Variants in UVRAG observed in about 807,000 individuals in gnomAD.
UVRAG encodes the protein UV radiation resistance associated.
Under a neutral mutation model 78.0 loss-of-function variants are expected in UVRAG, and 19 were observed. That is an observed-to-expected ratio of 0.24 (90% CI 0.17 to 0.36). UVRAG has a LOEUF of 0.36. UVRAG is among the 10% of genes least tolerant of loss of function. The pLI, the probability that UVRAG is intolerant of heterozygous loss-of-function variation, is 1.00. For missense variants in UVRAG, 740 were observed against 853.8 expected, an observed-to-expected ratio of 0.87 and a Z score of 1.66; for synonymous variants, 323 against 324.6, an observed-to-expected ratio of 1.00 and a Z score of 0.05.
In UVRAG at chr11:76,141,090, C is replaced by T. The variant is rs759030935; in HGVS notation, c.1777C>T (p.Arg593Trp). 1.1e-5 allele frequency: 18 copies of T among 1,614,156 alleles called. No homozygotes were observed. Among genetic ancestry groups the T allele is most frequent in the South Asian group, 5.5e-5 (5 of 91,076 alleles). Reference protein sequence around the residue: ...QEQGEALSGHRATVNGTLLPS... With the variant: ...QEQGEALSGHWATVNGTLLPS... ...ACAAGGAGAAGCCCTCTCCGGGCAC[C>T]GGGCCACAGTCAATGGCACTCTCCT... Residue 593 changes from arginine to tryptophan, a missense_variant, in exon 15 of 15, where the codon CGG becomes TGG. Physicochemically the swap from Arg to Trp is moderately radical, Grantham distance 101. Transcript: ENST00000356136.
At chr11:76,111,441 C>T (rs1375263347) in intron 13 of UVRAG, among the ~76,000 whole-genome samples, 1 of 152,152 alleles carries the variant, frequency 6.6e-6, no homozygotes, top group Non-Finnish European at 1.5e-5. Context: ...CCAATAACTA[C>T]GTTCCCACAT....
chr11:75,898,715 T>C (rs1037553504), intron 5 of UVRAG, among the ~76,000 whole-genome samples: 4 of 152,208 alleles, frequency 2.6e-5, no homozygotes, highest in African/African-American at 7.2e-5. Flanking sequence ...TGTGATTATA[T>C]ACTGTTAGCG....
chr11:75,953,543 G>A (rs1948742989), intron 6 of UVRAG, among the ~76,000 whole-genome samples: 1 of 152,014 alleles, frequency 6.6e-6, no homozygotes. Flanking sequence ...ATTCTAATTT[G>A]TCATTCTTTG....
intron 13 of UVRAG, among the ~76,000 whole-genome samples, chr11:76,096,327 T>C (rs1951784802): frequency 6.6e-6 from 1 of 152,212 alleles, no homozygotes; most frequent in Non-Finnish European, 1.5e-5. Flanking sequence ...ATGTTAAATA[T>C]AAAATTATTC....
intron 3 of UVRAG, among the ~76,000 whole-genome samples, chr11:75,872,083 A>G (rs1946664541): frequency 6.6e-6 from 1 of 152,258 alleles, no homozygotes; most frequent in Admixed American, 6.5e-5. Flanking sequence ...GCTCTTTTTC[A>G]TCTTCTTTTT....
At chr11:75,966,905 G>A (rs1949034606) in intron 7 of UVRAG, among the ~76,000 whole-genome samples, 1 of 152,130 alleles carries the variant, frequency 6.6e-6, no homozygotes, top group Admixed American at 6.5e-5. Context: ...AGAGACTTAG[G>A]TTGAATTTAA....
At chr11:75,824,528 C>A (rs1326940102) in intron 1 of UVRAG, among the ~76,000 whole-genome samples, 1 of 151,256 alleles carries the variant, frequency 6.6e-6, no homozygotes, top group African/African-American at 2.4e-5. Flanking sequence ...AGAATTGAAA[C>A]TAATAAGTTG....
At chr11:75,852,399 G>T (rs1165698356) in intron 2 of UVRAG, among the ~76,000 whole-genome samples, 1 of 152,016 alleles carries the variant, frequency 6.6e-6, no homozygotes, top group Non-Finnish European at 1.5e-5. Flanking sequence ...GTATATATGG[G>T]ATCTTTTTCA....
chr11:76,007,707 C>T, intron 10 of UVRAG, 86 bp downstream of exon 10: 1 of 1,019,154 alleles, frequency 9.8e-7, no homozygotes, highest in Non-Finnish European at 1.5e-6. Flanking sequence ...AAACTCATTG[C>T]TTTAGGCTTA....
chr11:75,905,165 C>T (rs1590999779), intron 5 of UVRAG, among the ~76,000 whole-genome samples: 1 of 152,264 alleles, frequency 6.6e-6, no homozygotes, highest in South Asian at 2.1e-4. Context: ...CTTAAATCTA[C>T]TTCTCAAGTC....
intron 13 of UVRAG, among the ~76,000 whole-genome samples, chr11:76,078,189 C>T (rs1951435339): frequency 6.6e-6 from 1 of 152,152 alleles, no homozygotes; most frequent in African/African-American, 2.4e-5. Flanking sequence ...TAGGTGTAAG[C>T]TCTTTAAAGA....
At chr11:76,076,340 G>A (rs1278778241) in intron 13 of UVRAG, among the ~76,000 whole-genome samples, 1 of 152,186 alleles carries the variant, frequency 6.6e-6, no homozygotes, top group Non-Finnish European at 1.5e-5. Context: ...TCACGATCAT[G>A]GTAGAAGGCA....
chr11:76,053,103 C>G (rs1027450156), intron 12 of UVRAG, among the ~76,000 whole-genome samples: 2 of 151,620 alleles, frequency 1.3e-5, no homozygotes, highest in African/African-American at 4.8e-5. Context: ...GTCAGGAGTT[C>G]AAGACCAGCC....
Position 75,920,007 on chromosome 11 carries a change from G to GGTTTTTT in UVRAG, c.593+7969_593+7975dup, listed in dbSNP as rs1947940448. Among the ~76,000 whole-genome samples the GGTTTTTT allele has an allele frequency of 2.3e-3, 164 of 72,748 alleles. 3 individuals are homozygous for GGTTTTTT. The highest frequency in any genetic ancestry group is 6.6e-3 in the African/African-American group (145 of 21,820). The allele number at this position is 72,748 out of a possible 152,430, so 47.7% of individuals were successfully genotyped here. ...TCAAAATTTAAAATAAAATAATTTT[G>GGTTTTTT]GTTTTTTTTTTTTTTTTTTTTTTTT... On this transcript the variant is annotated intron_variant, in intron 6 of 14. Transcript: ENST00000356136.
intron 8 of UVRAG, among the ~76,000 whole-genome samples, chr11:75,986,373 G>C (rs1423753879): frequency 6.6e-6 from 1 of 151,570 alleles, no homozygotes; most frequent in Admixed American, 6.6e-5. Context: ...CAATTAATTA[G>C]TTTTTTTTAA....
chr11:76,023,663 G>C (rs953758116), intron 12 of UVRAG, among the ~76,000 whole-genome samples: 6 of 152,114 alleles, frequency 3.9e-5, no homozygotes, highest in African/African-American at 9.7e-5. Context: ...AGGGCAGGCT[G>C]TTGTCTTCAA....
At position 76,127,880 on chromosome 11, in the gene UVRAG, A is replaced by G. The variant is rs1307125445; in HGVS notation, c.1397+11865A>G. Among the ~76,000 whole-genome samples, 3 of 151,526 alleles carry G rather than the reference A, an allele frequency of 2.0e-5. No individual in the cohort carries two copies. The South Asian group carries it at 6.3e-4, about 32-fold the overall frequency. On this transcript the variant is annotated intron_variant, in intron 14 of 14. Coordinates refer to ENST00000356136, the MANE Select transcript of UVRAG (RefSeq NM_003369.4). ...GCTGAGGCACAAGAATCACTTGAAC[A>G]TGGGAGGCAGAGGTTGCAGTGAGCC...
At chr11:75,965,543 C>G (rs1207412618) in intron 7 of UVRAG, among the ~76,000 whole-genome samples, 1 of 152,176 alleles carries the variant, frequency 6.6e-6, no homozygotes, top group East Asian at 1.9e-4. Flanking sequence ...TCTCCATCTC[C>G]TGACCTCGTG....
intron 14 of UVRAG, chr11:76,137,769 A>G (rs1952626442): frequency 1.3e-5 from 4 of 312,540 alleles, no homozygotes; most frequent in Admixed American, 8.7e-5. Flanking sequence ...TTAGCCGGGC[A>G]TCGTGGCACA....
Sources: gnomAD v4.1 joint callset for allele counts (sites outside exome capture counted in the v4.1 genomes callset) on GRCh38, gnomAD v4.1.1 for gene constraint, MANE v1.5 for transcripts, NCBI Gene and HGNC (gene_info 2026-07-23, HGNC 2026-07-21) for gene names.